Variants in IMMP2L observed in about 807,000 individuals in gnomAD.
IMMP2L encodes the protein inner mitochondrial membrane peptidase subunit 2.
IMMP2L carries 18 observed loss-of-function variants against 19.3 expected under a neutral mutation model. That is an observed-to-expected ratio of 0.93 (90% CI 0.64 to 1.38). The LOEUF (loss-of-function observed/expected upper bound fraction) is 1.38. Ranked by LOEUF, IMMP2L falls within the 40% of genes most tolerant of loss-of-function variation. The pLI, the probability that IMMP2L is intolerant of heterozygous loss-of-function variation, is 0.00. For synonymous variants in IMMP2L, 76 were observed against 73.0 expected, an observed-to-expected ratio of 1.04 and a Z score of -0.21; for missense variants, 233 against 218.2, an observed-to-expected ratio of 1.07 and a Z score of -0.43.
At chr7:110,884,757 C>A (rs1284726613) in intron 5 of IMMP2L, among the ~76,000 whole-genome samples, 1 of 151,982 alleles carries the variant, frequency 6.6e-6, no homozygotes, top group African/African-American at 2.4e-5. Flanking sequence ...CTGTTTATTT[C>A]ACCTTTAGTA....
chr7:110,827,424 A>G (rs1405569767), intron 5 of IMMP2L, among the ~76,000 whole-genome samples: 1 of 152,150 alleles, frequency 6.6e-6, no homozygotes, highest in Non-Finnish European at 1.5e-5. Flanking sequence ...TGGGATTATA[A>G]TATACCTTCA....
chr7:111,007,800 C>T (rs1824464487), intron 3 of IMMP2L, among the ~76,000 whole-genome samples: 1 of 151,984 alleles, frequency 6.6e-6, no homozygotes, highest in Admixed American at 6.6e-5. Context: ...CATCCTACTG[C>T]CTACCTGTTA....
intron 3 of IMMP2L, among the ~76,000 whole-genome samples, chr7:111,353,734 T>C (rs1828414986): frequency 6.6e-6 from 1 of 152,090 alleles, no homozygotes; most frequent in Non-Finnish European, 1.5e-5. Flanking sequence ...TACATAAATA[T>C]ACACATACAC....
intron 3 of IMMP2L, among the ~76,000 whole-genome samples, chr7:111,114,738 CAA>C (rs567078227): frequency 2.4e-4 from 15 of 62,552 alleles, no homozygotes; most frequent in Admixed American, 3.7e-4. Flanking sequence ...GACTCCATCT[CAA>C]AAAAAAAAAA....
At chr7:111,452,484 T>C (rs966992731) in intron 3 of IMMP2L, among the ~76,000 whole-genome samples, 1 of 152,026 alleles carries the variant, frequency 6.6e-6, no homozygotes, top group Non-Finnish European at 1.5e-5. Flanking sequence ...ATTATATATC[T>C]CTGTTTTAGA....
intron 2 of IMMP2L, chr7:111,492,505 TC>T: frequency 5.9e-6 from 2 of 338,278 alleles, no homozygotes; most frequent in Non-Finnish European, 4.2e-6. Flanking sequence ...TGGGGACTCC[TC>T]TGTAAAGCCT....
chr7:110,889,682 G>A (rs10248851), intron 4 of IMMP2L, among the ~76,000 whole-genome samples: 8,294 of 152,180 alleles, frequency 0.055, 743 homozygotes, highest in African/African-American at 0.19. Context: ...GTTAGTAGTT[G>A]GATGAAAATA....
rs1381700568 is a variant in IMMP2L at position 110,728,187 on chromosome 7, G to A, written c.409-64466C>T. 6.6e-6 allele frequency among the ~76,000 whole-genome samples: 1 copy of A among 152,016 alleles called. No homozygotes were observed. The highest frequency in any genetic ancestry group is 6.5e-5 in the Admixed American group (1 of 15,268). ...AATATCTGCCATGCTTGTTGTTGTT[G>A]TTATCAATATTATTAATAATCTTAA... is the stretch of plus-strand genomic sequence containing the variant. On this transcript the variant is annotated intron_variant, in intron 5 of 5. Transcript: ENST00000405709. The surrounding 1 kb of genome is among the most constrained non-coding windows in gnomAD (Gnocchi z 4.6).
At chr7:111,327,944 T>C (rs1486983839) in intron 3 of IMMP2L, among the ~76,000 whole-genome samples, 5 of 151,780 alleles carry the variant, frequency 3.3e-5, no homozygotes, top group Non-Finnish European at 7.4e-5. Context: ...AATAGGTACG[T>C]ATAGTAGATA....
intron 5 of IMMP2L, among the ~76,000 whole-genome samples, chr7:110,749,462 C>T (rs1797590329): frequency 6.6e-6 from 1 of 152,092 alleles, no homozygotes; most frequent in Non-Finnish European, 1.5e-5. Context: ...TTTATTGTGG[C>T]ACTGTTCACA....
At chr7:111,199,117 T>C (rs559850511) in intron 3 of IMMP2L, among the ~76,000 whole-genome samples, 29 of 152,232 alleles carry the variant, frequency 1.9e-4, no homozygotes, top group African/African-American at 6.7e-4. Context: ...CATGTATTTG[T>C]GAAGTAGGTT....
At chr7:111,341,395 A>C (rs1826995296) in intron 3 of IMMP2L, among the ~76,000 whole-genome samples, 1 of 152,180 alleles carries the variant, frequency 6.6e-6, no homozygotes, top group Admixed American at 6.5e-5. Flanking sequence ...TATATGAATA[A>C]ATGATGTAAA....
At chr7:111,449,146 A>C (rs1394638157) in intron 3 of IMMP2L, among the ~76,000 whole-genome samples, 2 of 149,024 alleles carry the variant, frequency 1.3e-5, no homozygotes, top group Non-Finnish European at 3.0e-5. Flanking sequence ...AGGAACTGGT[A>C]CCATTCCTTC....
chr7:111,435,124 A>T (rs1245770264), intron 3 of IMMP2L, among the ~76,000 whole-genome samples: 1 of 151,940 alleles, frequency 6.6e-6, no homozygotes, highest in Non-Finnish European at 1.5e-5. Flanking sequence ...AACTGTATGG[A>T]GATTTCTCAA....
chr7:110,946,298 G>A (rs1817243317), intron 4 of IMMP2L, among the ~76,000 whole-genome samples: 1 of 152,168 alleles, frequency 6.6e-6, no homozygotes, highest in Non-Finnish European at 1.5e-5. Flanking sequence ...CACCCTTCAT[G>A]TGGTAGTTAC....
At chr7:111,542,630 T>C (rs981963544) in intron 1 of IMMP2L, among the ~76,000 whole-genome samples, 4 of 152,310 alleles carry the variant, frequency 2.6e-5, no homozygotes, top group African/African-American at 7.2e-5. Context: ...CGATGAGTTA[T>C]TGATTTCATA....
chr7:111,217,595 C>T (rs17132146), intron 3 of IMMP2L, among the ~76,000 whole-genome samples: 30,964 of 152,002 alleles, frequency 0.2, 4,308 homozygotes, highest in African/African-American at 0.39. Context: ...CAGCTAATAA[C>T]GTCCGTTGAG....
chr7:111,267,442 C>T (rs1185082148), intron 3 of IMMP2L, among the ~76,000 whole-genome samples: 2 of 152,032 alleles, frequency 1.3e-5, no homozygotes, highest in Non-Finnish European at 2.9e-5. Flanking sequence ...TGATGAGCTG[C>T]AGGGTGATGG....
chr7:111,195,354 G>T (rs1276076521), intron 3 of IMMP2L, among the ~76,000 whole-genome samples: 2 of 151,980 alleles, frequency 1.3e-5, no homozygotes, highest in Non-Finnish European at 2.9e-5. Flanking sequence ...CAATTTCTAT[G>T]ATCTCAATAC....
Sources: gnomAD v4.1 joint callset for allele counts (sites outside exome capture counted in the v4.1 genomes callset) on GRCh38, gnomAD v4.1.1 for gene constraint, Gnocchi (gnomAD v3.1) non-coding constraint, MANE v1.5 for transcripts, NCBI Gene and HGNC (gene_info 2026-07-23, HGNC 2026-07-21) for gene names.